The following SETBP1 variants were observed in gnomAD, a reference collection of about 807,000 sequenced individuals.
The protein encoded by SETBP1 is SET-binding protein.
In SETBP1, 9 loss-of-function variants were observed where a neutral mutation model predicts 101.0. The ratio of observed to expected loss-of-function variants is 0.09; its 90% CI spans 0.05 to 0.16. The LOEUF (loss-of-function observed/expected upper bound fraction) is 0.16, where lower values mean the gene tolerates loss of function less well. Ranked by LOEUF, SETBP1 falls within the 10% of genes least tolerant of loss-of-function variation. The probability of loss-of-function intolerance (pLI) is 1.00; values close to 1 mark genes in which losing one functional copy is unlikely to be tolerated. For synonymous variants in SETBP1, 818 were observed against 788.5 expected, an observed-to-expected ratio of 1.04 and a Z score of -0.63; for missense variants, 1,858 against 2,033.8, an observed-to-expected ratio of 0.91 and a Z score of 1.66.
intron 5 of SETBP1, among the ~76,000 whole-genome samples, chr18:45,051,786 T>A (rs1243796844): frequency 6.6e-6 from 1 of 152,212 alleles, no homozygotes. Flanking sequence ...TAGTCCATGT[T>A]TTTGTCATTG....
At chr18:44,746,685 A>G (rs1174227227) in intron 2 of SETBP1, among the ~76,000 whole-genome samples, 1 of 152,208 alleles carries the variant, frequency 6.6e-6, no homozygotes. Flanking sequence ...CTGACTCTTA[A>G]CAATCAGGAA....
intron 2 of SETBP1, among the ~76,000 whole-genome samples, chr18:44,704,773 A>T (rs546228988): frequency 6.6e-6 from 1 of 152,344 alleles, no homozygotes; most frequent in African/African-American, 2.4e-5. Flanking sequence ...TGAATGAGAA[A>T]TATGTGATCA....
At chr18:44,900,155 G>A (rs1476417044) in intron 3 of SETBP1, among the ~76,000 whole-genome samples, 1 of 152,194 alleles carries the variant, frequency 6.6e-6, no homozygotes, top group African/African-American at 2.4e-5. Context: ...GTTTCAAAGT[G>A]TGATCTTAGG....
chr18:44,873,082 A>G (rs617459), intron 3 of SETBP1, among the ~76,000 whole-genome samples: 83,395 of 152,104 alleles, frequency 0.55, 22,955 homozygotes, highest in Non-Finnish European at 0.56. Flanking sequence ...GGTGGAAGAT[A>G]AGAAGAGAGT....
At chr18:44,700,425 C>A (rs2614997) in intron 1 of SETBP1, among the ~76,000 whole-genome samples, 1 of 152,074 alleles carries the variant, frequency 6.6e-6, no homozygotes, top group Non-Finnish European at 1.5e-5. Flanking sequence ...TCTAGAAAGG[C>A]TATTTTTAAT....
chr18:44,769,865 GC>G (rs1183581331), intron 2 of SETBP1, among the ~76,000 whole-genome samples: 7 of 152,192 alleles, frequency 4.6e-5, no homozygotes, highest in Non-Finnish European at 1.0e-4. Flanking sequence ...GAGACCGACA[GC>G]ACCTGTGTAC....
At chr18:44,975,765 G>A (rs560795240) in intron 4 of SETBP1, among the ~76,000 whole-genome samples, 1 of 152,250 alleles carries the variant, frequency 6.6e-6, no homozygotes, top group Admixed American at 6.5e-5. Context: ...CACAACTCTT[G>A]TTTCTCCAAA....
chr18:44,864,979 T>G (rs2069097712), intron 2 of SETBP1, among the ~76,000 whole-genome samples: 1 of 152,016 alleles, frequency 6.6e-6, no homozygotes, highest in Non-Finnish European at 1.5e-5. Flanking sequence ...AGGCAGTGGC[T>G]TTGAGGAGGG....
chr18:44,907,723 G>C (rs143868813), intron 3 of SETBP1, among the ~76,000 whole-genome samples: 2 of 152,058 alleles, frequency 1.3e-5, no homozygotes, highest in Admixed American at 6.6e-5. Context: ...GTTGTATAGG[G>C]CTTCCTTATG....
intron 4 of SETBP1, chr18:44,988,932 T>C (rs1391327270): frequency 6.6e-6 from 1 of 152,162 alleles, no homozygotes; most frequent in Non-Finnish European, 1.5e-5. Flanking sequence ...TAGTTTAAAA[T>C]TCTCCTGGTT....
At chr18:45,055,730 C>T (rs2073798062) in intron 5 of SETBP1, among the ~76,000 whole-genome samples, 1 of 152,172 alleles carries the variant, frequency 6.6e-6, no homozygotes, top group African/African-American at 2.4e-5. Flanking sequence ...TCTCATCTAT[C>T]AGTTAAACAA....
chr18:44,788,310 G>C (rs993536553), intron 2 of SETBP1, among the ~76,000 whole-genome samples: 2 of 152,132 alleles, frequency 1.3e-5, no homozygotes, highest in African/African-American at 4.8e-5. Context: ...ATTTTGGGGG[G>C]CTTGTCCAAT....
intron 2 of SETBP1, among the ~76,000 whole-genome samples, chr18:44,762,618 G>A (rs2070678931): frequency 6.6e-6 from 1 of 152,220 alleles, no homozygotes; most frequent in Non-Finnish European, 1.5e-5. Flanking sequence ...ACAGATATGG[G>A]TCAAGAGTTT....
intron 2 of SETBP1, among the ~76,000 whole-genome samples, chr18:44,721,367 G>C (rs1484507550): frequency 1.3e-5 from 2 of 152,182 alleles, no homozygotes; most frequent in Non-Finnish European, 2.9e-5. Flanking sequence ...ACTGCATCAA[G>C]TGTTTCTTCC....
chr18:44,944,487 C>A (rs979464926), intron 3 of SETBP1, among the ~76,000 whole-genome samples: 1 of 152,168 alleles, frequency 6.6e-6, no homozygotes, highest in African/African-American at 2.4e-5. Flanking sequence ...CTCATTCTCT[C>A]CCTGAGAGAT....
At chr18:44,762,716 A>G (rs866257548) in intron 2 of SETBP1, among the ~76,000 whole-genome samples, 2 of 152,232 alleles carry the variant, frequency 1.3e-5, no homozygotes, top group Admixed American at 6.5e-5. Context: ...CAAGTCCTTC[A>G]AAGTATATTT....
intron 2 of SETBP1, among the ~76,000 whole-genome samples, chr18:44,713,011 G>T (rs6507581): frequency 0.91 from 132,393 of 146,034 alleles, 60,262 homozygotes; most frequent in East Asian, 0.99. Context: ...CAGACTGAAG[G>T]GCAGTGGTGT....
intron 2 of SETBP1, among the ~76,000 whole-genome samples, chr18:44,844,020 A>G (rs1026620148): frequency 6.6e-6 from 1 of 152,078 alleles, no homozygotes; most frequent in Non-Finnish European, 1.5e-5. Context: ...TCTTTTTACC[A>G]AAGGCTCAAT....
chr18:44,695,789 A>G (rs1379495692), intron 1 of SETBP1, among the ~76,000 whole-genome samples: 5 of 152,146 alleles, frequency 3.3e-5, no homozygotes, highest in Non-Finnish European at 7.4e-5. Flanking sequence ...GAGTTCTACT[A>G]CCAAGAAATA....
Sources: gnomAD v4.1 joint callset for allele counts (sites outside exome capture counted in the v4.1 genomes callset) on GRCh38, gnomAD v4.1.1 for gene constraint, MANE v1.5 for transcripts, NCBI Gene and HGNC (gene_info 2026-07-23, HGNC 2026-07-21) for gene names.